The following KATNIP variants were observed in gnomAD, a reference collection of about 807,000 sequenced individuals.
KATNIP encodes the protein katanin interacting protein.
Under a neutral mutation model 174.0 loss-of-function variants are expected in KATNIP, and 126 were observed. That is an observed-to-expected ratio of 0.72 (90% confidence interval 0.63 to 0.84). The LOEUF is 0.84. KATNIP is among the 40% of genes least tolerant of loss of function. The pLI is 0.00. For synonymous variants in KATNIP, 810 were observed against 835.7 expected (o/e 0.97, Z 0.53); for missense variants, 1,958 against 2,109.7 (o/e 0.93, Z 1.41).
chr16:27,674,083 C>T lies in KATNIP; in HGVS notation c.541-3646C>T, dbSNP rs548287886. Among the ~76,000 whole-genome samples, 5 of 152,226 alleles carry T rather than the reference C, an allele frequency of 3.3e-5. No individual in the cohort carries two copies. The East Asian group carries it at 7.7e-4, about 24-fold the overall frequency. ...GGAGGCTCACTCGAGCCTAGGAGGT[C>T]GAGGCTGCAGTGAGCTGTGATCACA... On this transcript the variant is annotated intron_variant, in intron 6 of 27. Coordinates refer to ENST00000261588, the MANE Select transcript of KATNIP (RefSeq NM_015202.5).
chr16:27,567,733 G>A (rs550713325), intron 1 of KATNIP, among the ~76,000 whole-genome samples: 2 of 152,248 alleles, frequency 1.3e-5, no homozygotes, highest in East Asian at 3.9e-4. Flanking sequence ...CATGTTGGTT[G>A]GCCAGGCTAG....
At chr16:27,606,591 G>A (rs767503460) in intron 2 of KATNIP, among the ~76,000 whole-genome samples, 3 of 151,752 alleles carry the variant, frequency 2.0e-5, no homozygotes, top group Non-Finnish European at 4.4e-5. Context: ...TGAGTAAAAC[G>A]TTAGTGCTGG....
In KATNIP at chr16:27,703,984, G is replaced by A. The variant is rs768958315; in HGVS notation, c.1375G>A (p.Val459Ile). The change falls in exon 12 of 28, where the codon GTA becomes ATA. Residue 459 changes from valine to isoleucine, a missense_variant. Val to Ile is a conservative substitution (Grantham distance 29). Around this residue, in one of 3 missense-constraint regions of KATNIP, gnomAD observed 1,557 missense variants for 1,617.8 expected, o/e 0.96. Coordinates refer to ENST00000261588, the MANE Select transcript of KATNIP (RefSeq NM_015202.5). The part of the protein sequence containing the change: ...GRVVSPTKEQ[V>I]SDTEDKQRMR... ...GGTGGTTTCACCAACCAAGGAGCAA[G>A]TATCAGACACAGAGGTGAGAGCCTT... The A allele has an allele frequency of 9.9e-6, 16 of 1,613,922 alleles. No homozygotes were observed. Among genetic ancestry groups the A allele is most frequent in the African/African-American group, 1.3e-5 (1 of 74,932 alleles).
chr16:27,611,559 G>C (rs373064629), intron 2 of KATNIP, among the ~76,000 whole-genome samples: 3 of 152,214 alleles, frequency 2.0e-5, no homozygotes, highest in Non-Finnish European at 4.4e-5. Context: ...GCGAAACTCT[G>C]TCTCCTTCCC....
At chr16:27,622,355 G>A (rs938034506) in intron 3 of KATNIP, among the ~76,000 whole-genome samples, 3 of 152,182 alleles carry the variant, frequency 2.0e-5, no homozygotes, top group African/African-American at 7.2e-5. Context: ...TGACAGCCTT[G>A]CCTCACTCCT....
chr16:27,634,247 C>T lies in KATNIP; in HGVS notation c.408+3085C>T, dbSNP rs190347816. On this transcript the variant is annotated intron_variant, in intron 5 of 27. Transcript: ENST00000261588. ...CTAATTTCCTGATTTCCTGATGCCT[C>T]GAGGGCTGTAATTGTCCTTCTACAC... 2.0e-4 allele frequency among the ~76,000 whole-genome samples: 31 copies of T among 152,244 alleles called. No homozygotes were observed. In the East Asian group the frequency reaches 5.0e-3, roughly 25 times the overall value.
chr16:27,766,433 T>C lies in KATNIP; in HGVS notation c.3934T>C (p.Phe1312Leu), dbSNP rs199756228. Residue 1312 changes from phenylalanine to leucine, a missense_variant, in exon 20 of 28, where the codon TTC becomes CTC. This residue lies in a region of KATNIP where 383 missense variants were observed against 456.0 expected (regional missense o/e 0.84). Coordinates refer to ENST00000261588, the MANE Select transcript of KATNIP (RefSeq NM_015202.5). ...DRAESIAGLR[F>L]WNYNKSPEDT... is the part of the protein sequence containing the mutation. ...GGCCGAAAGCATCGCAGGCCTGCGC[T>C]TCTGGAACTACAATAAATCTCCCGA... 9 of 1,613,976 alleles carry C rather than the reference T, an allele frequency of 5.6e-6. No homozygotes were observed. The Admixed American group carries it at 1.2e-4, about 21-fold the overall frequency.
At chr16:27,719,231 C>A (rs2080098991) in intron 13 of KATNIP, among the ~76,000 whole-genome samples, 1 of 152,154 alleles carries the variant, frequency 6.6e-6, no homozygotes, top group Non-Finnish European at 1.5e-5. Context: ...GTGGTGGGGA[C>A]CCTGGAGCCC....
chr16:27,627,454 C>T (rs934617977), intron 3 of KATNIP, among the ~76,000 whole-genome samples: 6 of 152,124 alleles, frequency 3.9e-5, no homozygotes, highest in Admixed American at 2.6e-4. Flanking sequence ...AATGAATCAA[C>T]GGCGTAATAA....
intron 5 of KATNIP, among the ~76,000 whole-genome samples, chr16:27,641,171 C>T (rs1406644960): frequency 2.0e-5 from 3 of 151,608 alleles, no homozygotes; most frequent in African/African-American, 7.3e-5. Flanking sequence ...GAGACCTGGG[C>T]TTTCCTTGAA....
intron 6 of KATNIP, among the ~76,000 whole-genome samples, chr16:27,653,662 T>G (rs995817194): frequency 6.6e-6 from 1 of 152,024 alleles, no homozygotes. Context: ...CCCACTTTTT[T>G]TTTTTTTTCT....
At chr16:27,709,622 G>C (rs563149238) in intron 13 of KATNIP, among the ~76,000 whole-genome samples, 1 of 152,272 alleles carries the variant, frequency 6.6e-6, no homozygotes, top group East Asian at 1.9e-4. Flanking sequence ...CTGGGTGACA[G>C]AATGAGACTC....
chr16:27,775,025 C>A lies in KATNIP; in HGVS notation c.4390C>A (p.Gln1464Lys). The change falls in exon 24 of 28, where the codon CAA becomes AAA. Residue 1464 changes from glutamine (Q) to lysine (K), a missense_variant. Gln to Lys is a moderately conservative substitution (Grantham distance 53). This residue lies in a region of KATNIP where 383 missense variants were observed against 456.0 expected (regional missense o/e 0.84). Coordinates refer to ENST00000261588, the MANE Select transcript of KATNIP (RefSeq NM_015202.5). ...CCGCACCCCAGACAAGCTCATCGAC[C>A]AAGTGAACGACACCAGTGATGGCCG... Reference protein sequence around the residue: ...DVRTPDKLIDQVNDTSDGRHM... With the variant: ...DVRTPDKLIDKVNDTSDGRHM... The A allele has an allele frequency of 6.2e-7, 1 of 1,613,638 alleles. No individual in the cohort carries two copies. The highest frequency in any genetic ancestry group is 8.5e-7 in the Non-Finnish European group (1 of 1,179,896).
chr16:27,732,957 T>C (rs2080751212), intron 14 of KATNIP, among the ~76,000 whole-genome samples: 1 of 152,216 alleles, frequency 6.6e-6, no homozygotes, highest in Non-Finnish European at 1.5e-5. Context: ...CCCTGGGCTG[T>C]GCCTGAAGTC....
In KATNIP at chr16:27,628,655, T is replaced by C. The variant is rs1262556354; in HGVS notation, c.141-6T>C. On this transcript the variant is annotated splice_polypyrimidine_tract_variant and splice_region_variant and intron_variant, in intron 3 of 27. Transcript: ENST00000261588. ...GAGGAGGAACAACCCACCGTTTCTC[T>C]TTCAGGATATTAAAGCATTTGAAAA... is the stretch of plus-strand genomic sequence containing the variant. 1.2e-6 allele frequency: 2 copies of C among 1,613,990 alleles called. No individual in the cohort carries two copies. Among genetic ancestry groups the C allele is most frequent in the Admixed American group, 1.7e-5 (1 of 60,012 alleles).
chr16:27,675,801 A>G (rs1160354488), intron 6 of KATNIP, among the ~76,000 whole-genome samples: 1 of 152,180 alleles, frequency 6.6e-6, no homozygotes, highest in South Asian at 2.1e-4. Flanking sequence ...GATTTGCTCC[A>G]TTAGACAAGG....
Position 27,606,132 on chromosome 16 carries a change from A to C in KATNIP, c.64-12293A>C, listed in dbSNP as rs2141978757. Among the ~76,000 whole-genome samples the C allele has an allele frequency of 1.3e-5, 2 of 152,224 alleles. 1 individual carries two copies. The highest frequency in any genetic ancestry group is 6.8e-3 in the Middle Eastern group (2 of 294). On this transcript the variant is annotated intron_variant, in intron 2 of 27. Transcript: ENST00000261588. ...GCAACAGTGCGAGACTCTGTCTCAA[A>C]AAAAAAGAGAAAAAGAAGCAGGCTC...
intron 4 of KATNIP, among the ~76,000 whole-genome samples, chr16:27,629,844 T>C (rs1188950864): frequency 1.3e-5 from 2 of 152,150 alleles, no homozygotes; most frequent in African/African-American, 4.8e-5. Flanking sequence ...TGAGACCCTG[T>C]ATCTGCAAAA....
chr16:27,710,664 G>A (rs2079535340), intron 13 of KATNIP, among the ~76,000 whole-genome samples: 1 of 152,118 alleles, frequency 6.6e-6, no homozygotes, highest in Non-Finnish European at 1.5e-5. Flanking sequence ...ACCACATCTG[G>A]CTAATTTTGT....
Sources: gnomAD v4.1 joint callset for allele counts (sites outside exome capture counted in the v4.1 genomes callset) on GRCh38, gnomAD v4.1.1 for gene constraint, gnomAD v4.1.1 regional missense constraint, MANE v1.5 for transcripts, NCBI Gene and HGNC (gene_info 2026-07-23, HGNC 2026-07-21) for gene names.